The following NOTCH2NLC variants were observed in gnomAD, a reference collection of about 807,000 sequenced individuals.
NOTCH2NLC encodes the protein notch 2 N-terminal like C, also known as notch homolog 2 N-terminal-like protein C.
A neutral mutation model predicts 17.7 loss-of-function variants in NOTCH2NLC; 4 were observed. That is an observed-to-expected ratio of 0.23 (90% CI 0.11 to 0.52). The LOEUF (loss-of-function observed/expected upper bound fraction) is 0.52, where lower values mean the gene tolerates loss of function less well. Among genes scored for constraint, NOTCH2NLC ranks in the 20% least tolerant of loss-of-function variants. The probability of loss-of-function intolerance (pLI) is 0.96; values close to 1 mark genes in which losing one functional copy is unlikely to be tolerated. For synonymous variants in NOTCH2NLC, 18 were observed against 86.0 expected (o/e 0.21, Z 4.38); for missense variants, 57 against 207.2 (o/e 0.28, Z 4.45).
rs1363382085 is a variant in NOTCH2NLC, at chr1:149,449,857, C to T, written c.210-5461C>T. On this transcript the variant is annotated intron_variant, in intron 2 of 4. Coordinates refer to ENST00000650865, the MANE Select transcript of NOTCH2NLC (RefSeq NM_001364013.2). ...TTTTATCTCTACGGATTTGCATATT[C>T]TGGACATTTCATATAAATGGAATTA... Among the ~76,000 whole-genome samples, 2 of 150,796 alleles carry T rather than the reference C, an allele frequency of 1.3e-5. 1 individual carries two copies. Among genetic ancestry groups the T allele is most frequent in the Non-Finnish European group, 3.0e-5 (2 of 67,492 alleles).
intron 2 of NOTCH2NLC, among the ~76,000 whole-genome samples, chr1:149,440,017 AT>A (rs2084507182): frequency 6.7e-6 from 1 of 149,264 alleles, no homozygotes; most frequent in African/African-American, 2.5e-5. Context: ...CAGCAAACAC[AT>A]TCAACTAGAG....
In NOTCH2NLC at chr1:149,395,580, C is replaced by T. The variant is rs1328991989; in HGVS notation, c.135+4658C>T. ...CACTCAAGTTTGCTTCCACTGCTTC[C>T]TGTATTACTGTATTACTAGGCCAGC... On this transcript the variant is annotated intron_variant, in intron 1 of 4. Coordinates refer to ENST00000650865, the MANE Select transcript of NOTCH2NLC (RefSeq NM_001364013.2). Among the ~76,000 whole-genome samples, 4 of 150,140 alleles carry T rather than the reference C, an allele frequency of 2.7e-5. 1 individual carries two copies. The highest frequency in any genetic ancestry group is 5.9e-5 in the Non-Finnish European group (4 of 67,256).
At chr1:149,444,968 G>A (rs1247379982) in intron 2 of NOTCH2NLC, among the ~76,000 whole-genome samples, 3 of 149,950 alleles carry the variant, frequency 2.0e-5, no homozygotes, top group African/African-American at 4.9e-5. Context: ...TTGAGAAAAG[G>A]GGGGGTTGAG....
chr1:149,417,097 C>CTTTTTTTTTTTTT (rs1171555647), intron 1 of NOTCH2NLC, among the ~76,000 whole-genome samples: 1 of 69,570 alleles, frequency 1.4e-5, no homozygotes, highest in African/African-American at 4.9e-5. Flanking sequence ...TCAGGTTTTC[C>CTTTTTTTTTTTTT]TTTTTTTTTT....
At chr1:149,445,641 CA>C (rs1375585074) in intron 2 of NOTCH2NLC, among the ~76,000 whole-genome samples, 1 of 150,998 alleles carries the variant, frequency 6.6e-6, no homozygotes, top group Non-Finnish European at 1.5e-5. Flanking sequence ...GGGTTGAAAG[CA>C]GAGTTCTGTT....
chr1:149,439,538 AAAT>A (rs2084502888), intron 2 of NOTCH2NLC, among the ~76,000 whole-genome samples: 1 of 65,742 alleles, frequency 1.5e-5, no homozygotes, highest in Non-Finnish European at 3.0e-5. Context: ...AAGCTAGCAT[AAAT>A]ATGTGGGTGT....
intron 1 of NOTCH2NLC, among the ~76,000 whole-genome samples, chr1:149,414,853 C>T (rs1185974657): frequency 6.2e-5 from 9 of 144,418 alleles, no homozygotes; most frequent in Admixed American, 2.8e-4. Context: ...TTCAAATATC[C>T]GTTTGCAAAA....
chr1:149,392,988 T>C (rs2084183594), intron 1 of NOTCH2NLC, among the ~76,000 whole-genome samples: 1 of 136,902 alleles, frequency 7.3e-6, no homozygotes, highest in Non-Finnish European at 1.5e-5. Flanking sequence ...GAGAATGGCG[T>C]GAACCCGGGA....
intron 1 of NOTCH2NLC, among the ~76,000 whole-genome samples, chr1:149,428,776 C>T (rs1245548273): frequency 1.3e-5 from 2 of 149,408 alleles, no homozygotes; most frequent in Non-Finnish European, 3.0e-5. Flanking sequence ...GACAGGATTT[C>T]AGGTCTCCTG....
chr1:149,427,230 A>G (rs1443443298), intron 1 of NOTCH2NLC, among the ~76,000 whole-genome samples: 3 of 149,978 alleles, frequency 2.0e-5, no homozygotes, highest in Non-Finnish European at 4.5e-5. Context: ...TCAAACATAT[A>G]CAAAAAAATT....
At chr1:149,400,133 A>T (rs2084235231) in intron 1 of NOTCH2NLC, among the ~76,000 whole-genome samples, 1 of 114,188 alleles carries the variant, frequency 8.8e-6, no homozygotes, top group Non-Finnish European at 1.9e-5. Context: ...TATATATATA[A>T]TATATATTTT....
chr1:149,395,567 C>T (rs1350261209), intron 1 of NOTCH2NLC, among the ~76,000 whole-genome samples: 2 of 150,524 alleles, frequency 1.3e-5, no homozygotes, highest in African/African-American at 4.9e-5. Context: ...CTCAAGTTTG[C>T]TTCCACTGCT....
chr1:149,411,640 GTTA>G (rs2084298776), intron 1 of NOTCH2NLC, among the ~76,000 whole-genome samples: 1 of 111,768 alleles, frequency 8.9e-6, no homozygotes, highest in East Asian at 2.4e-4. Context: ...TAATATTGAT[GTTA>G]TTAGTCATCA....
chr1:149,427,311 C>T (rs1282803376), intron 1 of NOTCH2NLC, among the ~76,000 whole-genome samples: 1 of 147,674 alleles, frequency 6.8e-6, no homozygotes, highest in African/African-American at 2.5e-5. Flanking sequence ...CACCATTTTC[C>T]TCTCTGCTTC....
At chr1:149,429,276 T>C (rs1420572283) in intron 1 of NOTCH2NLC, among the ~76,000 whole-genome samples, 5 of 150,746 alleles carry the variant, frequency 3.3e-5, no homozygotes, top group African/African-American at 1.2e-4. Context: ...CCACTTATTC[T>C]CTCTGGCCTC....
At chr1:149,461,110 G>T (rs2101512537) in intron 3 of NOTCH2NLC, among the ~76,000 whole-genome samples, 1 of 150,272 alleles carries the variant, frequency 6.7e-6, no homozygotes, top group East Asian at 2.0e-4. Context: ...AATTTTTGTA[G>T]TTTTAGAAAA....
intron 1 of NOTCH2NLC, among the ~76,000 whole-genome samples, chr1:149,424,005 G>A (rs2084396335): frequency 6.6e-6 from 1 of 150,818 alleles, no homozygotes. Flanking sequence ...AGGCTTTTAA[G>A]CCAGTGATAT....
rs1394637992 is a variant in NOTCH2NLC, at chr1:149,464,778, C to G, written c.*625C>G. The G allele has an allele frequency of 6.6e-6, 1 of 151,398 alleles. No homozygotes were observed. The highest frequency in any genetic ancestry group is 2.4e-5 in the African/African-American group (1 of 41,096). 9.4% of individuals were successfully genotyped at this position (151,398 alleles called of 1,614,324 possible). The stretch of plus-strand genomic sequence containing the variant: ...TAGTACAAAAACAAAAGAAGGAAAA[C>G]TGTAGGGGGGAGTAATGTGCTAAGT... On this transcript the variant is annotated 3_prime_UTR_variant, in exon 5 of 5. Coordinates refer to ENST00000650865, the MANE Select transcript of NOTCH2NLC (RefSeq NM_001364013.2).
At position 149,390,839 on chromosome 1, in the gene NOTCH2NLC, G is replaced by C; in HGVS notation, c.52G>C (p.Gly18Arg). The C allele has an allele frequency of 2.9e-6, 4 of 1,362,456 alleles. No individual in the cohort carries two copies. The highest frequency in any genetic ancestry group is 3.8e-6 in the Non-Finnish European group (4 of 1,060,106). 84.4% of individuals were successfully genotyped at this position (1,362,456 alleles called of 1,614,324 possible). The stretch of plus-strand genomic sequence containing the variant: ...CGGCGGCGGCGGCGGCGGAGGAGGC[G>C]GCGACCGAGAAGATGCCCGCCCTGC... Reference protein sequence around the residue: ...GGGGGGGGGGGDREDARPAPL... With the variant: ...GGGGGGGGGGRDREDARPAPL... The change falls in exon 1 of 5, where the codon GGC becomes CGC. Residue 18 changes from glycine (G) to arginine (R), a missense_variant. Coordinates refer to ENST00000650865, the MANE Select transcript of NOTCH2NLC (RefSeq NM_001364013.2).
Sources: allele counts gnomAD v4.1 joint callset (sites outside exome capture counted in the v4.1 genomes callset), GRCh38; gene constraint gnomAD v4.1.1; transcripts MANE v1.5; gene names NCBI Gene and HGNC (gene_info 2026-07-23, HGNC 2026-07-21).